NUP93: variants seen among roughly 807,000 people sequenced by gnomAD.
The protein encoded by NUP93 is nucleoporin 93.
A neutral mutation model predicts 107.8 loss-of-function variants in NUP93; 55 were observed. That is an observed-to-expected ratio of 0.51 (90% CI 0.41 to 0.64). The LOEUF (loss-of-function observed/expected upper bound fraction) is 0.64. Among genes scored for constraint, NUP93 ranks in the 30% least tolerant of loss-of-function variants. The pLI, the probability that NUP93 is intolerant of heterozygous loss-of-function variation, is 0.00. For missense variants in NUP93, 937 were observed against 1,044.7 expected, an observed-to-expected ratio of 0.90 and a Z score of 1.42; for synonymous variants, 390 against 397.5, an observed-to-expected ratio of 0.98 and a Z score of 0.22.
At chr16:56,811,939 A>C (rs1963324385) in intron 5 of NUP93, among the ~76,000 whole-genome samples, 1 of 152,190 alleles carries the variant, frequency 6.6e-6, no homozygotes, top group Non-Finnish European at 1.5e-5. Context: ...TTTAATATGG[A>C]TCCATCTCTT....
At chr16:56,776,162 G>A (rs1962412430) in intron 3 of NUP93, among the ~76,000 whole-genome samples, 1 of 151,890 alleles carries the variant, frequency 6.6e-6, no homozygotes. Flanking sequence ...AAAACTTTGA[G>A]AAAGCTACAT....
intron 3 of NUP93, among the ~76,000 whole-genome samples, chr16:56,793,676 C>T (rs1962819254): frequency 6.6e-6 from 1 of 152,070 alleles, no homozygotes; most frequent in Admixed American, 6.5e-5. Context: ...ATGGTTCTGC[C>T]CAACTTTTTA....
chr16:56,813,813 A>G (rs1242982185), intron 5 of NUP93, among the ~76,000 whole-genome samples: 1 of 152,212 alleles, frequency 6.6e-6, no homozygotes, highest in African/African-American at 2.4e-5. Context: ...TAATACACAT[A>G]GGTGTCTGTC....
chr16:56,812,191 G>A (rs1042075307), intron 5 of NUP93, among the ~76,000 whole-genome samples: 1 of 152,106 alleles, frequency 6.6e-6, no homozygotes, highest in African/African-American at 2.4e-5. Context: ...TATAAAGAGA[G>A]GCTCAAAGCT....
chr16:56,732,720 G>GC (rs1399223685), intron 1 of NUP93, among the ~76,000 whole-genome samples: 3 of 152,180 alleles, frequency 2.0e-5, no homozygotes, highest in African/African-American at 7.2e-5. Context: ...AGGTGAGAGG[G>GC]CCCACTCCTC....
chr16:56,815,042 G>C (rs992643600), intron 5 of NUP93, among the ~76,000 whole-genome samples: 3 of 152,232 alleles, frequency 2.0e-5, no homozygotes, highest in African/African-American at 7.2e-5. Context: ...AGGTACCTTT[G>C]AAAACAAGAG....
intron 7 of NUP93, among the ~76,000 whole-genome samples, chr16:56,822,449 G>C (rs557983251): frequency 2.0e-4 from 30 of 151,230 alleles, no homozygotes; most frequent in African/African-American, 7.0e-4. Flanking sequence ...GGGGGCCCAG[G>C]CTGCAGTGAG....
chr16:56,759,259 T>G (rs1233247000), intron 3 of NUP93, among the ~76,000 whole-genome samples: 1 of 152,240 alleles, frequency 6.6e-6, no homozygotes, highest in Non-Finnish European at 1.5e-5. Context: ...CACGGTCTGT[T>G]TAGTTTTTGA....
chr16:56,817,990 A>AT (rs1318567936), intron 5 of NUP93, among the ~76,000 whole-genome samples: 2 of 152,140 alleles, frequency 1.3e-5, no homozygotes, highest in African/African-American at 4.8e-5. Flanking sequence ...ATATGACTGT[A>AT]TTTTTATTGC....
intron 3 of NUP93, among the ~76,000 whole-genome samples, chr16:56,774,057 C>T (rs1962368227): frequency 6.6e-6 from 1 of 152,024 alleles, no homozygotes; most frequent in African/African-American, 2.4e-5. Context: ...AAGGCTGTAG[C>T]TCAAAATATA....
At chr16:56,836,849 C>G (rs1377285899) in intron 17 of NUP93, 132 bp downstream of exon 17, 1 of 606,284 alleles carries the variant, frequency 1.6e-6, no homozygotes, top group Non-Finnish European at 2.9e-6. Flanking sequence ...AGTGCTTAGA[C>G]AGTTAATGGT....
intron 11 of NUP93, 94 bp from the exon 12 acceptor site, chr16:56,832,201 C>T (rs531785786): frequency 1.6e-6 from 2 of 1,258,814 alleles, no homozygotes; most frequent in African/African-American, 1.5e-5. Context: ...TTCTAGCTGA[C>T]ATCATTGAGC....
rs1253384847 is a variant in NUP93, at chr16:56,847,294, C to G, written c.*2685C>G. ...GGTTGTCATGTACCCATCATTACAG[C>G]TTATGCCCAGAAGTCCTGACCCTGT... On this transcript the variant is annotated 3_prime_UTR_variant, in exon 22 of 22. Coordinates refer to ENST00000308159, the MANE Select transcript of NUP93 (RefSeq NM_014669.5). 3 of 152,212 alleles carry G rather than the reference C, an allele frequency of 2.0e-5. No individual in the cohort carries two copies. The highest frequency in any genetic ancestry group is 4.8e-5 in the African/African-American group (2 of 41,446). The allele number at this position is 152,212 out of a possible 1,614,324, so 9.4% of individuals were successfully genotyped here.
At chr16:56,761,313 A>G (rs976329035) in intron 3 of NUP93, among the ~76,000 whole-genome samples, 1 of 152,198 alleles carries the variant, frequency 6.6e-6, no homozygotes, top group East Asian at 1.9e-4. Flanking sequence ...TTTAGTAACC[A>G]AGCATAAGAG....
intron 1 of NUP93, among the ~76,000 whole-genome samples, chr16:56,733,471 T>A (rs1320618924): frequency 6.6e-6 from 1 of 152,074 alleles, no homozygotes; most frequent in South Asian, 2.1e-4. Flanking sequence ...AAAGGGGCGC[T>A]GGGGTGACTT....
At chr16:56,815,946 A>G (rs1465243295) in intron 5 of NUP93, among the ~76,000 whole-genome samples, 8 of 113,054 alleles carry the variant, frequency 7.1e-5, no homozygotes, top group Middle Eastern at 4.4e-3. Context: ...TACTACTACT[A>G]CTACCACTAC....
intron 3 of NUP93, chr16:56,782,661 TG>T (rs1251833466): frequency 6.6e-6 from 1 of 152,132 alleles, no homozygotes; most frequent in Non-Finnish European, 1.5e-5. Context: ...AGTGAGTGCG[TG>T]TGTGTGTTTG....
intron 2 of NUP93, among the ~76,000 whole-genome samples, chr16:56,749,511 A>G (rs1471064140): frequency 1.3e-5 from 2 of 152,180 alleles, no homozygotes; most frequent in African/African-American, 2.4e-5. Flanking sequence ...GTCCGGAAAG[A>G]CACTGAGATT....
rs887975919 is a variant in NUP93, at chr16:56,754,728, C to T, written c.180-3810C>T. ...AGTTCTGGAGGATGGTGGCTTTTTT[C>T]TCACAACTCCACTAGGCAGTGCCCC... On this transcript the variant is annotated intron_variant, in intron 2 of 21. Coordinates refer to ENST00000308159, the MANE Select transcript of NUP93 (RefSeq NM_014669.5). Among the ~76,000 whole-genome samples, 3 of 152,162 alleles carry T rather than the reference C, an allele frequency of 2.0e-5. No individual in the cohort carries two copies. The East Asian group carries it at 5.8e-4, about 29-fold the overall frequency.
Sources: allele counts gnomAD v4.1 joint callset (sites outside exome capture counted in the v4.1 genomes callset), GRCh38; gene constraint gnomAD v4.1.1; transcripts MANE v1.5; gene names NCBI Gene and HGNC (gene_info 2026-07-23, HGNC 2026-07-21).